The following ZNF701 variants were observed in gnomAD, a reference collection of about 807,000 sequenced individuals.
The protein encoded by ZNF701 is zinc finger protein 701.
In ZNF701, 6 loss-of-function variants were observed where a neutral mutation model predicts 7.1. The ratio of observed to expected loss-of-function variants is 0.84; its 90% confidence interval spans 0.46 to 1.66. The LOEUF is 1.66. Among genes scored for constraint, ZNF701 ranks in the 40% most tolerant of loss-of-function variants. The probability of loss-of-function intolerance (pLI) is 0.01; values close to 1 mark genes in which losing one functional copy is unlikely to be tolerated. For missense variants in ZNF701, 541 were observed against 559.2 expected, an observed-to-expected ratio of 0.97 and a Z score of 0.33; for synonymous variants, 166 against 188.2, an observed-to-expected ratio of 0.88 and a Z score of 0.97.
chr19:52,576,407 G>A (rs2059934611), intron 3 of ZNF701, among the ~76,000 whole-genome samples: 1 of 152,030 alleles, frequency 6.6e-6, no homozygotes, highest in South Asian at 2.1e-4. Context: ...CGGGCGTCGT[G>A]GTGCATGCCT....
chr19:52,583,144 C>T lies in ZNF701; in HGVS notation c.1085C>T (p.Ala362Val). ...KPYKCKVCDK[A>V]FRRDSHLAQH... ...TACAAATGTAAGGTTTGTGACAAGGCTTTCAGACGTGATTCACACCTGGCA... is the reference window on the plus strand; with the variant it reads ...TACAAATGTAAGGTTTGTGACAAGGTTTTCAGACGTGATTCACACCTGGCA... Residue 362 changes from alanine to valine, a missense_variant, in exon 4 of 4, where the codon GCT becomes GTT. By Grantham distance (64) the Ala-to-Val change is moderately conservative. Transcript: ENST00000391785. 1 of 1,613,176 alleles carries T rather than the reference C, an allele frequency of 6.2e-7. No homozygotes were observed. The highest frequency in any genetic ancestry group is 1.7e-5 in the Admixed American group (1 of 59,952).
chr19:52,583,750 T>G lies in ZNF701; in HGVS notation c.*293T>G. 1.5e-6 allele frequency: 1 copy of G among 685,602 alleles called. No homozygotes were observed. Among genetic ancestry groups the G allele is most frequent in the Non-Finnish European group, 2.6e-6 (1 of 378,902 alleles). 42.5% of individuals were successfully genotyped at this position (685,602 alleles called of 1,614,324 possible). On this transcript the variant is annotated 3_prime_UTR_variant, in exon 4 of 4. Transcript: ENST00000391785. Reference sequence around the variant, plus strand: ...AGAGCCTTTGGTGGTCAGTCAACACTTACTCACCATCAAGCAATCCATGGT... The same window carrying G: ...AGAGCCTTTGGTGGTCAGTCAACACGTACTCACCATCAAGCAATCCATGGT...
chr19:52,582,440 T>G lies in ZNF701; in HGVS notation c.381T>G (p.Asp127Glu). 6.2e-7 allele frequency: 1 copy of G among 1,614,164 alleles called. No homozygotes were observed. Among genetic ancestry groups the G allele is most frequent in the Non-Finnish European group, 8.5e-7 (1 of 1,180,008 alleles). The change falls in exon 4 of 4, where the codon GAT becomes GAG. Residue 127 changes from aspartate (D) to glutamate (E), a missense_variant. By Grantham distance (45) the Asp-to-Glu change is conservative (BLOSUM62 2). Coordinates refer to ENST00000391785, the MANE Select transcript of ZNF701 (RefSeq NM_018260.3). ...KKLMSSTERH[D>E]QRHAGNKPIK... ...TGATGAGTAGTACAGAGCGACATGA[T>G]CAAAGGCATGCTGGAAACAAACCTA...
In ZNF701 at chr19:52,582,424, G is replaced by C; in HGVS notation, c.365G>C (p.Ser122Thr). The C allele has an allele frequency of 1.2e-6, 2 of 1,614,128 alleles. No individual in the cohort carries two copies. Among genetic ancestry groups the C allele is most frequent in the Non-Finnish European group, 1.7e-6 (2 of 1,179,998 alleles). ...LMTKTKKLMS[S>T]TERHDQRHAG... ...ACAAAAACCAAAAAGTTGATGAGTA[G>C]TACAGAGCGACATGATCAAAGGCAT... The change falls in exon 4 of 4, where the codon AGT becomes ACT. Residue 122 changes from serine to threonine, a missense_variant. Ser to Thr is a moderately conservative substitution (Grantham distance 58). Coordinates refer to ENST00000391785, the MANE Select transcript of ZNF701 (RefSeq NM_018260.3).
chr19:52,577,864 G>T (rs2059945886), intron 3 of ZNF701, among the ~76,000 whole-genome samples: 1 of 152,066 alleles, frequency 6.6e-6, no homozygotes, highest in Non-Finnish European at 1.5e-5. Context: ...CATGCTCCTT[G>T]TCTACTTTCA....
Position 52,582,950 on chromosome 19 carries a change from T to G in ZNF701, c.891T>G (p.Pro297=), listed in dbSNP as rs1156262540. 1.9e-6 allele frequency: 3 copies of G among 1,613,978 alleles called. No individual in the cohort carries two copies. Among genetic ancestry groups the G allele is most frequent in the Non-Finnish European group, 2.5e-6 (3 of 1,179,996 alleles). ...VHKAIHTGEK[P]YKCNECGKVF... is the part of the protein sequence containing the mutation. ...AGGCAATTCATACTGGAGAGAAACC[T>G]TACAAGTGTAATGAATGTGGCAAGG... Residue 297 remains proline, a synonymous_variant, in exon 4 of 4, where the codon CCT becomes CCG. Coordinates refer to ENST00000391785, the MANE Select transcript of ZNF701 (RefSeq NM_018260.3).
At chr19:52,577,621 C>A (rs1170361499) in intron 3 of ZNF701, among the ~76,000 whole-genome samples, 1 of 151,894 alleles carries the variant, frequency 6.6e-6, no homozygotes, top group Admixed American at 6.6e-5. Flanking sequence ...AGAGGTGAGC[C>A]CTCTGTCACA....
At chr19:52,581,451 C>T (rs1181735752) in intron 3 of ZNF701, among the ~76,000 whole-genome samples, 1 of 151,954 alleles carries the variant, frequency 6.6e-6, no homozygotes, top group Non-Finnish European at 1.5e-5. Context: ...AACTCCTGAC[C>T]TCAGGTGATT....
In ZNF701 at chr19:52,583,190, T is replaced by A. The variant is rs754407351; in HGVS notation, c.1131T>A (p.Thr377=). The A allele has an allele frequency of 2.5e-6, 4 of 1,613,928 alleles. No individual in the cohort carries two copies. Among genetic ancestry groups the A allele is most frequent in the Non-Finnish European group, 3.4e-6 (4 of 1,179,898 alleles). ...SHLAQHTVIH[T]GEKPYKCNEC... The stretch of plus-strand genomic sequence containing the variant: ...TGGCACAACATACTGTAATTCACAC[T>A]GGAGAGAAACCTTACAAGTGTAATG... Residue 377 remains threonine (T), a synonymous_variant, in exon 4 of 4, where the codon ACT becomes ACA. Coordinates refer to ENST00000391785, the MANE Select transcript of ZNF701 (RefSeq NM_018260.3).
chr19:52,587,207 C>T (rs753830448), downstream of ZNF701: 2 of 152,174 alleles, frequency 1.3e-5, no homozygotes, highest in African/African-American at 4.8e-5. Flanking sequence ...GAGAAAATTA[C>T]ATGTATACAT....
Position 52,582,294 on chromosome 19 carries a change from A to C in ZNF701, c.235A>C (p.Ser79Arg), listed in dbSNP as rs1324864220. Residue 79 changes from serine (S) to arginine (R), a missense_variant, in exon 4 of 4, where the codon AGT becomes CGT. Ser to Arg is a moderately radical substitution (Grantham distance 110). Coordinates refer to ENST00000391785, the MANE Select transcript of ZNF701 (RefSeq NM_018260.3). ...VHTGTLQIHASHHIGDTCFQE... is the reference protein window; with the variant it reads ...VHTGTLQIHARHHIGDTCFQE... ...CACAGGGACATTGCAAATACATGCAAGTCATCACATTGGAGATACTTGCTT... is the reference window on the plus strand; with the variant it reads ...CACAGGGACATTGCAAATACATGCACGTCATCACATTGGAGATACTTGCTT... The C allele has an allele frequency of 1.9e-6, 3 of 1,613,992 alleles. No individual in the cohort carries two copies. In the East Asian group the frequency reaches 6.7e-5, roughly 36 times the overall value.
At chr19:52,592,029 C>CT, downstream of ZNF701, 1 of 644,326 alleles carries the variant, frequency 1.6e-6, no homozygotes, top group Non-Finnish European at 2.8e-6. Flanking sequence ...CTTATTTTCT[C>CT]TTTTCTCATT....
At chr19:52,572,436 T>C in intron 1 of ZNF701, 3 of 1,271,218 alleles carry the variant, frequency 2.4e-6, no homozygotes, top group Non-Finnish European at 3.1e-6. Flanking sequence ...TGAGGAAGAA[T>C]TAAATGTTGG....
At chr19:52,598,559 G>A in the ZNF701 span, 1 of 152,092 alleles carries the variant, frequency 6.6e-6, no homozygotes, top group Non-Finnish European at 1.5e-5. Context: ...ACTGAAAGGT[G>A]ACGTGCAAAA....
chr19:52,582,448 A>T lies in ZNF701; in HGVS notation c.389A>T (p.His130Leu), dbSNP rs2059981498. 1 of 1,614,114 alleles carries T rather than the reference A, an allele frequency of 6.2e-7. No individual in the cohort carries two copies. Among genetic ancestry groups the T allele is most frequent in the South Asian group, 1.1e-5 (1 of 91,090 alleles). The change falls in exon 4 of 4, where the codon CAT (histidine) becomes CTT (leucine). Residue 130 changes from histidine (H) to leucine (L), a missense_variant. His to Leu is a moderately conservative substitution (Grantham distance 99). Coordinates refer to ENST00000391785, the MANE Select transcript of ZNF701 (RefSeq NM_018260.3). The stretch of plus-strand genomic sequence containing the variant: ...AGTACAGAGCGACATGATCAAAGGC[A>T]TGCTGGAAACAAACCTATTAAAAAT... Reference protein sequence around the residue: ...MSSTERHDQRHAGNKPIKNEL... With the variant: ...MSSTERHDQRLAGNKPIKNEL...
chr19:52,588,944 T>C (rs1051866187), downstream of ZNF701, among the ~76,000 whole-genome samples: 1 of 152,200 alleles, frequency 6.6e-6, no homozygotes, highest in Non-Finnish European at 1.5e-5. Flanking sequence ...GTTTTCACCC[T>C]GTTGGCCAGG....
chr19:52,594,650 A>G, the ZNF701 span, among the ~76,000 whole-genome samples: 2 of 151,988 alleles, frequency 1.3e-5, no homozygotes, highest in Non-Finnish European at 2.9e-5. Flanking sequence ...AGCAGCTGGG[A>G]TTACAGGCAT....
chr19:52,574,015 T>C, intron 1 of ZNF701, 62 bp from the exon 2 acceptor site: 8 of 1,537,180 alleles, frequency 5.2e-6, no homozygotes, highest in Non-Finnish European at 7.1e-6. Context: ...GTATGTGTCA[T>C]TGTGTTACAG....
At chr19:52,594,820 G>A in the ZNF701 span, among the ~76,000 whole-genome samples, 1 of 152,124 alleles carries the variant, frequency 6.6e-6, no homozygotes, top group East Asian at 1.9e-4. Flanking sequence ...GCCCGTTCTG[G>A]TTTTTGAGGA....
Sources: gnomAD v4.1 joint callset for allele counts (sites outside exome capture counted in the v4.1 genomes callset) on GRCh38, gnomAD v4.1.1 for gene constraint, MANE v1.5 for transcripts, NCBI Gene and HGNC (gene_info 2026-07-23, HGNC 2026-07-21) for gene names.